The following POLH variants were observed in gnomAD, a reference collection of about 807,000 sequenced individuals.
POLH encodes the protein DNA polymerase eta, also known as DNA polymerase eta transcript.
A neutral mutation model predicts 73.6 loss-of-function variants in POLH; 53 were observed. That is an observed-to-expected ratio of 0.72 (90% CI 0.58 to 0.91). The LOEUF is 0.91. POLH is among the 40% of genes least tolerant of loss of function. The pLI, the probability that POLH is intolerant of heterozygous loss-of-function variation, is 0.00. For missense variants in POLH, 768 were observed against 865.4 expected (o/e 0.89, Z 1.41); for synonymous variants, 292 against 308.5 (o/e 0.95, Z 0.56).
chr6:43,584,290 GAATTCT>G (rs1366785931), intron 3 of POLH, among the ~76,000 whole-genome samples: 2 of 152,130 alleles, frequency 1.3e-5, no homozygotes, highest in Non-Finnish European at 1.5e-5. Context: ...ACATACTTCT[GAATTCT>G]AATTCTAATT....
Position 43,616,227 on chromosome 6 carries a change from C to G in POLH, c.*1670C>G, listed in dbSNP as rs1308447661. ...CCCGGGAGGCGGAGCTTGCAGTGAG[C>G]CGAGAGCGCGCCACTGCACTCCAGC... is the stretch of plus-strand genomic sequence containing the variant. On this transcript the variant is annotated 3_prime_UTR_variant, in exon 11 of 11. Transcript: ENST00000372236. Among the ~76,000 whole-genome samples, 1 of 147,642 alleles carries G rather than the reference C, an allele frequency of 6.8e-6. No homozygotes were observed. Among genetic ancestry groups the G allele is most frequent in the Non-Finnish European group, 1.5e-5 (1 of 66,774 alleles).
intron 4 of POLH, among the ~76,000 whole-genome samples, chr6:43,592,265 C>G (rs989262543): frequency 1.3e-5 from 2 of 152,132 alleles, no homozygotes; most frequent in African/African-American, 4.8e-5. Context: ...TTCATGGATA[C>G]AATATATTTC....
At chr6:43,605,154 C>A in intron 8 of POLH, 100 bp from the exon 9 acceptor site, 1 of 755,924 alleles carries the variant, frequency 1.3e-6, no homozygotes. Flanking sequence ...CTTTGGTGCA[C>A]AATTCTGTTT....
In POLH at chr6:43,614,021, AGTCTGCTTCTAAAGCAGAAAC is replaced by A; in HGVS notation, c.1607_1627del (p.Ser536_Gln543delinsLys). On this transcript the variant is annotated inframe_deletion, in exon 11 of 11. Coordinates refer to ENST00000372236, the MANE Select transcript of POLH (RefSeq NM_006502.3). Reference sequence around the variant, plus strand: ...AACTGAGCCCTTCTTTAAGCAGAAAAGTCTGCTTCTAAAGCAGAAACAGCTTAATAATTCTTCAGTTTCTTC... The same window carrying A: ...AACTGAGCCCTTCTTTAAGCAGAAAAAGCTTAATAATTCTTCAGTTTCTTC... The A allele has an allele frequency of 6.2e-7, 1 of 1,614,140 alleles. No homozygotes were observed. The highest frequency in any genetic ancestry group is 8.5e-7 in the Non-Finnish European group (1 of 1,180,016).
chr6:43,613,889 A>G lies in POLH; in HGVS notation c.1474A>G (p.Lys492Glu). The change falls in exon 11 of 11, where the codon AAA becomes GAA. Residue 492 changes from lysine (K) to glutamate (E), a missense_variant. Transcript: ENST00000372236. ...CTTCCAAAAAGCTGCAGAAAGGCAG[A>G]AAGTTAAAGAAGCTTCGCTTTCATC... ...SFFQKAAERQKVKEASLSSLT... is the reference protein window; with the variant it reads ...SFFQKAAERQEVKEASLSSLT... 1 of 1,614,184 alleles carries G rather than the reference A, an allele frequency of 6.2e-7. No homozygotes were observed.
rs1170405362 is a variant in POLH, at chr6:43,618,262, TCTC to T, written c.*3708_*3710del. Among the ~76,000 whole-genome samples the T allele has an allele frequency of 1.6e-4, 25 of 152,072 alleles. No homozygotes were observed. The highest frequency in any genetic ancestry group is 8.5e-4 in the Admixed American group (13 of 15,264). On this transcript the variant is annotated 3_prime_UTR_variant, in exon 11 of 11. Coordinates refer to ENST00000372236, the MANE Select transcript of POLH (RefSeq NM_006502.3). ...CCTCCGTCTCTCGGGTTCAAGCAATTCTCCTGCCTCAGCTTCCCGAATAGCTGA... is the reference window on the plus strand; with the variant it reads ...CCTCCGTCTCTCGGGTTCAAGCAATTCTGCCTCAGCTTCCCGAATAGCTGA...
chr6:43,595,082 G>A (rs913057338), intron 4 of POLH, among the ~76,000 whole-genome samples: 29 of 152,196 alleles, frequency 1.9e-4, no homozygotes, highest in African/African-American at 6.7e-4. Context: ...TGTAGTCCTA[G>A]CTACTTGGGA....
At chr6:43,582,494 AAC>A in intron 2 of POLH, 38 bp downstream of exon 2, 3 of 1,602,904 alleles carry the variant, frequency 1.9e-6, no homozygotes, top group Non-Finnish European at 2.6e-6. Flanking sequence ...ATTCAATGGT[AAC>A]ACAGTGGCAC....
intron 5 of POLH, 89 bp downstream of exon 5, chr6:43,597,954 T>C: frequency 8.3e-7 from 1 of 1,211,492 alleles, no homozygotes; most frequent in Non-Finnish European, 1.2e-6. Context: ...TTATTACACA[T>C]AGGCCGGGTG....
At chr6:43,592,050 T>C (rs1245624742) in intron 4 of POLH, among the ~76,000 whole-genome samples, 2 of 152,184 alleles carry the variant, frequency 1.3e-5, no homozygotes, top group Non-Finnish European at 2.9e-5. Flanking sequence ...TCTGTATGTC[T>C]TGTGTCTGTT....
chr6:43,580,188 TG>T (rs2127768187), intron 1 of POLH, among the ~76,000 whole-genome samples: 1 of 145,396 alleles, frequency 6.9e-6, no homozygotes, highest in South Asian at 2.2e-4. Context: ...TAACCCTGAG[TG>T]GACACAGCAC....
intron 4 of POLH, among the ~76,000 whole-genome samples, chr6:43,588,984 C>G (rs1441558171): frequency 1.3e-5 from 2 of 152,100 alleles, no homozygotes; most frequent in African/African-American, 4.8e-5. Context: ...ATTACGGGCG[C>G]CCGCCACCGC....
chr6:43,605,739 TAG>T (rs1472293387), intron 9 of POLH, among the ~76,000 whole-genome samples: 2 of 152,018 alleles, frequency 1.3e-5, no homozygotes, highest in African/African-American at 4.8e-5. Context: ...TTTTGAGACA[TAG>T]AGTTTTCCCT....
intron 3 of POLH, among the ~76,000 whole-genome samples, chr6:43,583,472 G>A (rs538981357): frequency 6.6e-6 from 1 of 152,304 alleles, no homozygotes; most frequent in Admixed American, 6.5e-5. Context: ...CTGTGAAACT[G>A]AGAATTTTTC....
chr6:43,587,187 T>C, intron 3 of POLH, 85 bp from the exon 4 acceptor site: 1 of 974,632 alleles, frequency 1.0e-6, no homozygotes, highest in Non-Finnish European at 1.7e-6. Context: ...GTATTATTGT[T>C]CATTATGGCA....
At chr6:43,597,979 T>C (rs757995181) in intron 5 of POLH, 114 bp downstream of exon 5, 1 of 883,318 alleles carries the variant, frequency 1.1e-6, no homozygotes, top group South Asian at 1.4e-5. Flanking sequence ...TTCGCACGCC[T>C]ATGTGAGTGG....
intron 6 of POLH, among the ~76,000 whole-genome samples, chr6:43,601,513 T>A (rs887328871): frequency 1.3e-5 from 2 of 151,912 alleles, no homozygotes; most frequent in Non-Finnish European, 2.9e-5. Flanking sequence ...TGATTTGCCC[T>A]CCTCAGCCTC....
At chr6:43,598,714 G>C (rs769772194) in intron 5 of POLH, among the ~76,000 whole-genome samples, 8 of 151,920 alleles carry the variant, frequency 5.3e-5, no homozygotes, top group Non-Finnish European at 1.2e-4. Context: ...TACGTTATAG[G>C]TGTTATAAGA....
chr6:43,591,257 A>C (rs2127785070), intron 4 of POLH: 1 of 152,350 alleles, frequency 6.6e-6, no homozygotes, highest in East Asian at 1.9e-4. Flanking sequence ...TAATTATCAT[A>C]ATAAGAAAGG....
Sources: allele counts gnomAD v4.1 joint callset (sites outside exome capture counted in the v4.1 genomes callset), GRCh38; gene constraint gnomAD v4.1.1; transcripts MANE v1.5; gene names NCBI Gene and HGNC (gene_info 2026-07-23, HGNC 2026-07-21).